MON1A: variants seen among roughly 807,000 people sequenced by gnomAD.
MON1A encodes the protein MON1 vesicular trafficking associated A, also known as vacuolar fusion protein MON1 homolog A.
Under a neutral mutation model 44.6 loss-of-function variants are expected in MON1A, and 29 were observed. The observed-to-expected ratio is 0.65, with a 90% confidence interval of 0.48 to 0.89. The LOEUF (loss-of-function observed/expected upper bound fraction) is 0.89, where lower values mean the gene tolerates loss of function less well. Among genes scored for constraint, MON1A ranks in the 40% least tolerant of loss-of-function variants. The pLI is 0.00. For synonymous variants in MON1A, 275 were observed against 316.4 expected, an observed-to-expected ratio of 0.87 and a Z score of 1.39; for missense variants, 615 against 759.6, an observed-to-expected ratio of 0.81 and a Z score of 2.24.
In MON1A at chr3:49,911,280, G is replaced by A. The variant is rs936901194; in HGVS notation, c.613+246C>T. ...TTGTTGTTGTTGTTGCCTCCCCAGG[G>A]GGATTCTCACTCTCTCCAAAGGCAA... On this transcript the variant is annotated intron_variant, in intron 3 of 5. Transcript: ENST00000296473. The surrounding 1 kb of genome is among the most constrained non-coding windows in gnomAD (Gnocchi z 5.7). 2.2e-5 allele frequency among the ~76,000 whole-genome samples: 3 copies of A among 135,200 alleles called. No individual in the cohort carries two copies. The highest frequency in any genetic ancestry group is 8.5e-5 in the African/African-American group (3 of 35,228). The allele number at this position is 135,200 out of a possible 152,430, so 88.7% of individuals were successfully genotyped here.
At position 49,909,683 on chromosome 3, in the gene MON1A, A is replaced by G. The variant is rs377539521; in HGVS notation, c.1380-283T>C. 2.9e-4 allele frequency: 123 copies of G among 430,392 alleles called. No individual in the cohort carries two copies. The highest frequency in any genetic ancestry group is 3.1e-4 in the Admixed American group (8 of 25,888). The allele number at this position is 430,392 out of a possible 1,614,324, so 26.7% of individuals were successfully genotyped here. Reference sequence around the variant, plus strand: ...GGTTGAGTTTAGATGTCCAAGACAGAGTGACAGATCTGGAGTAGAGGAAAG... The same window carrying G: ...GGTTGAGTTTAGATGTCCAAGACAGGGTGACAGATCTGGAGTAGAGGAAAG... On this transcript the variant is annotated intron_variant, in intron 4 of 5. Coordinates refer to ENST00000296473, the MANE Select transcript of MON1A (RefSeq NM_032355.4). The surrounding 1 kb of genome is among the most constrained non-coding windows in gnomAD (Gnocchi z 4.0).
rs754575475 is a variant in MON1A, at chr3:49,910,588, C to T, written c.910G>A (p.Asp304Asn). 3.1e-6 allele frequency: 5 copies of T among 1,603,518 alleles called. No homozygotes were observed. Among genetic ancestry groups the T allele is most frequent in the South Asian group, 1.1e-5 (1 of 90,198 alleles). ...TGCTGCAGGCTGGCGCTCACAGTGTCGCGCACGGCCGCCGCCAGGGGCAGG... is the reference window on the plus strand; with the variant it reads ...TGCTGCAGGCTGGCGCTCACAGTGTTGCGCACGGCCGCCGCCAGGGGCAGG... ...RCLPLAAAVR[D>N]TVSASLQQAR... Residue 304 changes from aspartate (D) to asparagine (N), a missense_variant, in exon 4 of 6, where the codon GAC becomes AAC. Coordinates refer to ENST00000296473, the MANE Select transcript of MON1A (RefSeq NM_032355.4). The surrounding 1 kb of genome is among the most constrained non-coding windows in gnomAD (Gnocchi z 8.0).
intron 1 of MON1A, among the ~76,000 whole-genome samples, chr3:49,926,047 C>T (rs925327971): frequency 6.6e-6 from 1 of 152,148 alleles, no homozygotes; most frequent in African/African-American, 2.4e-5. Context: ...TGTAATGGTC[C>T]CACCTTACTC....
In MON1A at chr3:49,929,684, G is replaced by C; in HGVS notation, c.-89C>G. 6.4e-7 allele frequency: 1 copy of C among 1,551,096 alleles called. No individual in the cohort carries two copies. Among genetic ancestry groups the C allele is most frequent in the Non-Finnish European group, 8.7e-7 (1 of 1,146,898 alleles). ...CTGCCGGACCCATGGAGGGGTAAGGGTGTCCGGCCGGGGCCGGCCTGAGGG... is the reference window on the plus strand; with the variant it reads ...CTGCCGGACCCATGGAGGGGTAAGGCTGTCCGGCCGGGGCCGGCCTGAGGG... On this transcript the variant is annotated 5_prime_UTR_variant, in exon 1 of 6. Transcript: ENST00000296473.
At chr3:49,917,435 G>C (rs552305558) in intron 1 of MON1A, among the ~76,000 whole-genome samples, 2 of 152,012 alleles carry the variant, frequency 1.3e-5, no homozygotes, top group African/African-American at 4.8e-5. Flanking sequence ...ATAGGCGCCC[G>C]CCACCACGCC....
rs750249669 is a variant in MON1A at position 49,910,559 on chromosome 3, C to T, written c.939G>A (p.Ala313=). 4 of 1,611,764 alleles carry T rather than the reference C, an allele frequency of 2.5e-6. No individual in the cohort carries two copies. Among genetic ancestry groups the T allele is most frequent in the East Asian group, 2.2e-5 (1 of 44,742 alleles). Residue 313 remains alanine, a synonymous_variant, in exon 4 of 6, where the codon GCG becomes GCA. Coordinates refer to ENST00000296473, the MANE Select transcript of MON1A (RefSeq NM_032355.4). The surrounding 1 kb of genome is among the most constrained non-coding windows in gnomAD (Gnocchi z 8.0). ...TGGAGAAGACCAGGCTGCGCGCACG[C>T]GCCTGCTGCAGGCTGGCGCTCACAG... ...RDTVSASLQQ[A]RARSLVFSIL... is the part of the protein sequence containing the mutation.
At chr3:49,921,783 C>A (rs1419710230) in intron 1 of MON1A, among the ~76,000 whole-genome samples, 1 of 151,830 alleles carries the variant, frequency 6.6e-6, no homozygotes, top group African/African-American at 2.4e-5. Context: ...CCTCAGCCTC[C>A]CGAGTAGCAG....
intron 1 of MON1A, among the ~76,000 whole-genome samples, chr3:49,914,857 T>G (rs1399720542): frequency 1.3e-5 from 2 of 152,140 alleles, no homozygotes; most frequent in African/African-American, 4.8e-5. Flanking sequence ...ATTTTTGTAT[T>G]TTTTATAGAG....
At position 49,913,483 on chromosome 3, in the gene MON1A, G is replaced by A. The variant is rs1045861821; in HGVS notation, c.-13-124C>T. On this transcript the variant is annotated intron_variant, in intron 1 of 5. Transcript: ENST00000296473. ...CCACTAACTCAAATCTCTAGAAAAT[G>A]GATTCTGAGAATTCCTTTCAAAAAA... is the stretch of plus-strand genomic sequence containing the variant. The A allele has an allele frequency of 1.5e-5, 13 of 864,682 alleles. No individual in the cohort carries two copies. The African/African-American group carries it at 2.2e-4, about 15-fold the overall frequency. The allele number at this position is 864,682 out of a possible 1,614,324, so 53.6% of individuals were successfully genotyped here.
rs548377917 is a variant in MON1A at position 49,919,277 on chromosome 3, T to C, written c.-13-5918A>G. On this transcript the variant is annotated intron_variant, in intron 1 of 5. Coordinates refer to ENST00000296473, the MANE Select transcript of MON1A (RefSeq NM_032355.4). ...TGTGAACTTTTCTATATGTTTGTTT[T>C]ACTTCAAAGTTAAAACAAAACAAAC... is the stretch of plus-strand genomic sequence containing the variant. Among the ~76,000 whole-genome samples the C allele has an allele frequency of 1.3e-4, 20 of 152,304 alleles. 1 individual carries two copies. The South Asian group carries it at 3.9e-3, about 30-fold the overall frequency.
intron 1 of MON1A, chr3:49,916,967 CTG>C (rs778105943): frequency 6.6e-6 from 1 of 152,224 alleles, no homozygotes; most frequent in Non-Finnish European, 1.5e-5. Context: ...AGAGTGGGCT[CTG>C]AGAGATGAGT....
intron 2 of MON1A, chr3:49,912,576 G>A (rs1326435602): frequency 1.2e-5 from 2 of 170,622 alleles, no homozygotes; most frequent in Non-Finnish European, 2.5e-5. Flanking sequence ...CTCACCCTGT[G>A]TCTGGAGCAC....
chr3:49,914,064 C>A (rs1484678522), intron 1 of MON1A, among the ~76,000 whole-genome samples: 1 of 151,588 alleles, frequency 6.6e-6, no homozygotes, highest in Non-Finnish European at 1.5e-5. Flanking sequence ...CATGCCACAG[C>A]CAGCTAATTT....
At position 49,909,478 on chromosome 3, in the gene MON1A, T is replaced by G; in HGVS notation, c.1380-78A>C. The G allele has an allele frequency of 6.4e-7, 1 of 1,566,442 alleles. No individual in the cohort carries two copies. The highest frequency in any genetic ancestry group is 8.7e-7 in the Non-Finnish European group (1 of 1,150,098). On this transcript the variant is annotated intron_variant, in intron 4 of 5. Coordinates refer to ENST00000296473, the MANE Select transcript of MON1A (RefSeq NM_032355.4). This position sits in a 1 kb window ranked among gnomAD's most constrained non-coding sequence, Gnocchi z 4.0. ...TCTCTAGAGATTTAGAAACACCTAT[T>G]CCTATCCAGGAAGACTCTATCTTAT...
At chr3:49,915,758 A>G (rs2108534013) in intron 1 of MON1A, 1 of 152,342 alleles carries the variant, frequency 6.6e-6, no homozygotes, top group Admixed American at 6.5e-5. Context: ...CTCAGTGCCC[A>G]TGTAATGGCC....
chr3:49,919,710 G>C (rs1006011778), intron 1 of MON1A, among the ~76,000 whole-genome samples: 45 of 152,086 alleles, frequency 3.0e-4, no homozygotes, highest in Admixed American at 8.5e-4. Flanking sequence ...AGGTGATCCT[G>C]ACCTCAGGTG....
At position 49,911,378 on chromosome 3, in the gene MON1A, G is replaced by A; in HGVS notation, c.613+148C>T. ...CAGCAGTGTTGTTATCTTCTGTTCAGGTGAGGACCTTGAAGCTCAGAGAGG... is the reference window on the plus strand; with the variant it reads ...CAGCAGTGTTGTTATCTTCTGTTCAAGTGAGGACCTTGAAGCTCAGAGAGG... On this transcript the variant is annotated intron_variant, in intron 3 of 5. Transcript: ENST00000296473. The surrounding 1 kb of genome is among the most constrained non-coding windows in gnomAD (Gnocchi z 5.7). 8.1e-7 allele frequency: 1 copy of A among 1,236,750 alleles called. No individual in the cohort carries two copies. The highest frequency in any genetic ancestry group is 1.5e-5 in the South Asian group (1 of 66,118). 76.6% of individuals were successfully genotyped at this position (1,236,750 alleles called of 1,614,324 possible). A position where few individuals can be genotyped will look rare whatever the true frequency, so the allele number is the denominator to read the frequency against.
At chr3:49,919,605 G>A (rs553579323) in intron 1 of MON1A, among the ~76,000 whole-genome samples, 40 of 152,180 alleles carry the variant, frequency 2.6e-4, no homozygotes, top group African/African-American at 8.2e-4. Flanking sequence ...TCAGCCTCCC[G>A]AGCAGCTGGG....
rs2082871322 is a variant in MON1A, at chr3:49,910,962, C to T, written c.614-78G>A. The T allele has an allele frequency of 2.9e-6, 4 of 1,388,968 alleles. No individual in the cohort carries two copies. The highest frequency in any genetic ancestry group is 4.7e-5 in the East Asian group (2 of 42,876). 86.0% of individuals were successfully genotyped at this position (1,388,968 alleles called of 1,614,324 possible). A position where few individuals can be genotyped will look rare whatever the true frequency, so the allele number is the denominator to read the frequency against. On this transcript the variant is annotated intron_variant, in intron 3 of 5. Coordinates refer to ENST00000296473, the MANE Select transcript of MON1A (RefSeq NM_032355.4). The surrounding 1 kb of genome is among the most constrained non-coding windows in gnomAD (Gnocchi z 8.0). ...AAAACCGCCTTCCAGCGCAGCTCTT[C>T]GCTTTCCCCATCCTTTCCTCGCTCA...
Sources: gnomAD v4.1 joint callset for allele counts (sites outside exome capture counted in the v4.1 genomes callset) on GRCh38, gnomAD v4.1.1 for gene constraint, Gnocchi (gnomAD v3.1) non-coding constraint, MANE v1.5 for transcripts, NCBI Gene and HGNC (gene_info 2026-07-23, HGNC 2026-07-21) for gene names.